Variants in RBFOX1 observed in about 807,000 individuals in gnomAD.
RBFOX1 encodes RNA binding fox-1 homolog 1, also known as RNA binding protein fox-1 homolog 1.
RBFOX1 carries 8 observed loss-of-function variants against 57.7 expected under a neutral mutation model. The ratio of observed to expected loss-of-function variants is 0.14; its 90% CI spans 0.08 to 0.25. RBFOX1 has a LOEUF of 0.25. Ranked by LOEUF, RBFOX1 falls within the 10% of genes least tolerant of loss-of-function variation. The pLI is 1.00. For missense variants in RBFOX1, 611 were observed against 548.5 expected (o/e 1.11, Z -1.14); for synonymous variants, 326 against 222.4 (o/e 1.47, Z -4.15).
chr16:7,310,780 G>A (rs531819494), intron 4 of RBFOX1, among the ~76,000 whole-genome samples: 97 of 152,260 alleles, frequency 6.4e-4, no homozygotes, highest in African/African-American at 2.0e-3. Flanking sequence ...TCATTCACCT[G>A]TCCATCCACC....
chr16:6,390,602 T>C (rs576842163), intron 2 of RBFOX1, among the ~76,000 whole-genome samples: 2 of 152,174 alleles, frequency 1.3e-5, no homozygotes, highest in East Asian at 3.9e-4. Flanking sequence ...TGATTTAAAT[T>C]AAATAAAATA....
exon 3 of RBFOX1, chr16:5,599,412 G>C: frequency 1.7e-6 from 1 of 577,238 alleles, no homozygotes. Flanking sequence ...GGAGTCACTG[G>C]GGTACATAAC....
At chr16:6,104,562 A>T (rs1047008869) in intron 1 of RBFOX1, among the ~76,000 whole-genome samples, 4 of 152,186 alleles carry the variant, frequency 2.6e-5, no homozygotes, top group Non-Finnish European at 5.9e-5. Context: ...CCCATCTTGC[A>T]GTCAATCTCT....
intron 3 of RBFOX1, among the ~76,000 whole-genome samples, chr16:5,771,784 G>A (rs1396274413): frequency 2.0e-5 from 3 of 152,290 alleles, no homozygotes; most frequent in South Asian, 2.1e-4. Context: ...TATGTTGTAG[G>A]TGCAGTGTTT....
rs1269881180 is a variant in RBFOX1, at chr16:6,247,985, T to C, written c.-126-69010T>C. On this transcript the variant is annotated intron_variant, in intron 1 of 15. Coordinates refer to ENST00000550418, the MANE Select transcript of RBFOX1 (RefSeq NM_018723.4). ...ACATCCATCCCTTTGTGTTCTGACA[T>C]TGATGTTACTGTCAGTTGACAGTGA... 5.9e-5 allele frequency among the ~76,000 whole-genome samples: 9 copies of C among 152,300 alleles called. No homozygotes were observed. The East Asian group carries it at 1.7e-3, about 29-fold the overall frequency.
intron 9 of RBFOX1, among the ~76,000 whole-genome samples, chr16:7,598,525 A>AAAGAC (rs1253650749): frequency 3.9e-5 from 6 of 152,220 alleles, no homozygotes; most frequent in Non-Finnish European, 8.8e-5. Flanking sequence ...AAGAAACGTT[A>AAAGAC]AAGACAAGTC....
chr16:6,969,510 G>A (rs1402428407), intron 3 of RBFOX1, among the ~76,000 whole-genome samples: 1 of 152,044 alleles, frequency 6.6e-6, no homozygotes, highest in Non-Finnish European at 1.5e-5. Context: ...CAACGTAGGT[G>A]GATCGATTGA....
chr16:7,545,658 C>G (rs961035325), intron 5 of RBFOX1, among the ~76,000 whole-genome samples: 1 of 152,076 alleles, frequency 6.6e-6, no homozygotes, highest in African/African-American at 2.4e-5. Flanking sequence ...GCCAAATGCT[C>G]TGAGTGAAGA....
chr16:7,167,209 C>A (rs909572561), intron 4 of RBFOX1, among the ~76,000 whole-genome samples: 3 of 151,612 alleles, frequency 2.0e-5, no homozygotes, highest in Non-Finnish European at 2.9e-5. Context: ...TGGTCTCAAA[C>A]TCCTGACCTT....
chr16:6,815,048 C>A (rs935196136), intron 3 of RBFOX1, among the ~76,000 whole-genome samples: 2 of 152,132 alleles, frequency 1.3e-5, no homozygotes, highest in East Asian at 3.9e-4. Flanking sequence ...ATGGATTATT[C>A]ATAGTTTTTC....
intron 4 of RBFOX1, among the ~76,000 whole-genome samples, chr16:7,193,153 G>T (rs907974404): frequency 5.9e-5 from 9 of 152,340 alleles, no homozygotes; most frequent in African/African-American, 2.2e-4. Flanking sequence ...GGATTATCTG[G>T]ATGGATCCAA....
At chr16:5,934,964 G>T (rs971376310) in intron 4 of RBFOX1, among the ~76,000 whole-genome samples, 2 of 152,166 alleles carry the variant, frequency 1.3e-5, no homozygotes, top group Admixed American at 6.5e-5. Flanking sequence ...TAATTAATCT[G>T]GTTGGCCTCC....
At chr16:6,669,230 G>C (rs1336629715) in intron 3 of RBFOX1, among the ~76,000 whole-genome samples, 1 of 152,196 alleles carries the variant, frequency 6.6e-6, no homozygotes, top group African/African-American at 2.4e-5. Flanking sequence ...AATAACAACA[G>C]AATTCAAGGG....
chr16:7,219,845 T>G (rs2092586224), intron 4 of RBFOX1, among the ~76,000 whole-genome samples: 1 of 152,202 alleles, frequency 6.6e-6, no homozygotes, highest in Non-Finnish European at 1.5e-5. Context: ...TCCCATTGTT[T>G]CTGAGAGTGA....
At chr16:5,943,875 A>C (rs552253964) in intron 4 of RBFOX1, among the ~76,000 whole-genome samples, 1 of 151,300 alleles carries the variant, frequency 6.6e-6, no homozygotes, top group Non-Finnish European at 1.5e-5. Context: ...CCATTAATCT[A>C]CCTGTTCACC....
Position 6,767,947 on chromosome 16 carries a change from T to TAAGAAGAAGAAG in RBFOX1, c.-16+113327_-16+113338dup, listed in dbSNP as rs71145291. 4.9e-3 allele frequency among the ~76,000 whole-genome samples: 490 copies of TAAGAAGAAGAAG among 100,980 alleles called. 1 individual carries two copies. Among genetic ancestry groups the TAAGAAGAAGAAG allele is most frequent in the Middle Eastern group, 9.1e-3 (2 of 220 alleles). The allele number at this position is 100,980 out of a possible 152,430, so 66.2% of individuals were successfully genotyped here. A position where few individuals can be genotyped will look rare whatever the true frequency, so the allele number is the denominator to read the frequency against. On this transcript the variant is annotated intron_variant, in intron 3 of 15. Transcript: ENST00000550418. ...ATAATAATAATAATAATAATAATAA[T>TAAGAAGAAGAAG]AAGAAGAAGAAGAAGAAGAAGAAGA...
intron 2 of RBFOX1, among the ~76,000 whole-genome samples, chr16:6,431,907 TTCTTTCTTTCTTTCTTTC>T (rs2094106207): frequency 2.7e-5 from 3 of 110,332 alleles, no homozygotes; most frequent in African/African-American, 9.5e-5. Flanking sequence ...CTTTCTTTCT[TTCTTTCTTTCTTTCTTTC>T]TTTCTTTCTT....
At chr16:7,308,297 G>GGTTT (rs1555692670) in intron 4 of RBFOX1, among the ~76,000 whole-genome samples, 1 of 144,582 alleles carries the variant, frequency 6.9e-6, no homozygotes. Flanking sequence ...ACCCAGAGCT[G>GGTTT]TTTTTTTTTT....
In RBFOX1 at chr16:7,272,084, A is replaced by G. The variant is rs181995855; in HGVS notation, c.27+219986A>G. Among the ~76,000 whole-genome samples the G allele has an allele frequency of 4.2e-3, 634 of 152,210 alleles. 7 individuals carry two copies. The highest frequency in any genetic ancestry group is 0.015 in the African/African-American group (603 of 41,534). ...GTGATCATATCCTCTTCATATCCCCATTGTCGGCGTTTGTAAGACCCCAAA... is the reference window on the plus strand; with the variant it reads ...GTGATCATATCCTCTTCATATCCCCGTTGTCGGCGTTTGTAAGACCCCAAA... On this transcript the variant is annotated intron_variant, in intron 4 of 15. Transcript: ENST00000550418.
Sources: gnomAD v4.1 joint callset for allele counts (sites outside exome capture counted in the v4.1 genomes callset) on GRCh38, gnomAD v4.1.1 for gene constraint, MANE v1.5 for transcripts, NCBI Gene and HGNC (gene_info 2026-07-23, HGNC 2026-07-21) for gene names.